UACA: variants seen among roughly 807,000 people sequenced by gnomAD.
The protein encoded by UACA is nuclear membrane binding protein.
UACA carries 112 observed loss-of-function variants against 160.5 expected under a neutral mutation model. The ratio of observed to expected loss-of-function variants is 0.70; its 90% CI spans 0.60 to 0.82. UACA has a LOEUF of 0.82. UACA is among the 40% of genes least tolerant of loss of function. UACA has a pLI of 0.00. For missense variants in UACA, 1,574 were observed against 1,614.6 expected (o/e 0.97, Z 0.43); for synonymous variants, 557 against 568.4 (o/e 0.98, Z 0.29).
At chr15:70,777,857 T>G in the UACA span, among the ~76,000 whole-genome samples, 4 of 152,102 alleles carry the variant, frequency 2.6e-5, no homozygotes, top group African/African-American at 9.7e-5. Context: ...GGTGGAGAAA[T>G]TTTTCTAAGA....
At chr15:70,727,882 T>C (rs902289428) in intron 1 of UACA, among the ~76,000 whole-genome samples, 3 of 152,206 alleles carry the variant, frequency 2.0e-5, no homozygotes, top group African/African-American at 7.2e-5. Flanking sequence ...GCCTCTTCAC[T>C]GCCTATATTC....
chr15:70,703,030 C>A, intron 1 of UACA: 1 of 1,137,832 alleles, frequency 8.8e-7, no homozygotes, highest in South Asian at 1.5e-5. Context: ...GAGGCAAATA[C>A]ACATTAGACA....
chr15:70,671,828 A>C (rs1196893193), intron 14 of UACA, 137 bp downstream of exon 14: 1 of 539,026 alleles, frequency 1.9e-6, no homozygotes, highest in Non-Finnish European at 3.0e-6. Flanking sequence ...ACGTCTTCCT[A>C]GTTCCATGTG....
intron 1 of UACA, among the ~76,000 whole-genome samples, chr15:70,700,348 A>T (rs1004385081): frequency 1.4e-4 from 19 of 132,662 alleles, no homozygotes; most frequent in African/African-American, 5.7e-4. Context: ...CACATTCTAT[A>T]CAGAAAGCAA....
chr15:70,722,873 T>C (rs574071315), intron 1 of UACA, among the ~76,000 whole-genome samples: 2 of 152,202 alleles, frequency 1.3e-5, no homozygotes, highest in East Asian at 3.9e-4. Context: ...TTGAAAAAAA[T>C]TAAGGTGGCA....
intron 13 of UACA, among the ~76,000 whole-genome samples, chr15:70,672,571 T>C (rs1419777762): frequency 6.6e-6 from 1 of 152,226 alleles, no homozygotes; most frequent in Non-Finnish European, 1.5e-5. Flanking sequence ...TAGAGAACTC[T>C]AGCTACAGTG....
chr15:70,664,920 A>T (rs1896851358), intron 16 of UACA, 106 bp from the exon 17 acceptor site: 1 of 1,033,042 alleles, frequency 9.7e-7, no homozygotes, highest in Non-Finnish European at 1.4e-6. Context: ...TTATCTTTAT[A>T]CACCAGAAAA....
rs1473759839 is a variant in UACA at position 70,664,692 on chromosome 15, G to T, written c.4083C>A (p.His1361Gln). ...RQSQLIDTLQHQVKSLEQQLA... is the reference protein window; with the variant it reads ...RQSQLIDTLQQQVKSLEQQLA... Reference sequence around the variant, plus strand: ...GCTGTTGCTCCAGAGATTTCACTTGGTGCTGCAGAGTGTCAATCAGCTGGC... The same window carrying T: ...GCTGTTGCTCCAGAGATTTCACTTGTTGCTGCAGAGTGTCAATCAGCTGGC... The change falls in exon 17 of 19, where the codon CAC becomes CAA. Residue 1361 changes from histidine to glutamine, a missense_variant. His to Gln is a conservative substitution (Grantham distance 24). Transcript: ENST00000322954. 6.2e-7 allele frequency: 1 copy of T among 1,613,286 alleles called. No individual in the cohort carries two copies. The highest frequency in any genetic ancestry group is 1.1e-5 in the South Asian group (1 of 90,992).
chr15:70,702,649 G>C (rs1230428729), intron 1 of UACA, among the ~76,000 whole-genome samples: 2 of 152,154 alleles, frequency 1.3e-5, no homozygotes, highest in African/African-American at 4.8e-5. Context: ...CTGACAAACA[G>C]AATATAAAAT....
chr15:70,679,562 C>T, intron 10 of UACA, 46 bp downstream of exon 10: 1 of 1,311,594 alleles, frequency 7.6e-7, no homozygotes. Context: ...ACTACAAATA[C>T]TGGAATTGTT....
chr15:70,699,432 T>A, intron 2 of UACA, 95 bp downstream of exon 2: 1 of 1,405,632 alleles, frequency 7.1e-7, no homozygotes, highest in East Asian at 2.3e-5. Flanking sequence ...AATTTCTTAA[T>A]AAGTAAGTTG....
chr15:70,676,298 T>C, intron 13 of UACA, 195 bp downstream of exon 13: 1 of 482,212 alleles, frequency 2.1e-6, no homozygotes, highest in Non-Finnish European at 3.7e-6. Flanking sequence ...ATGATCTCAC[T>C]TAACCTTTAT....
At chr15:70,774,848 G>C in the UACA span, among the ~76,000 whole-genome samples, 2 of 152,036 alleles carry the variant, frequency 1.3e-5, no homozygotes, top group African/African-American at 4.8e-5. Flanking sequence ...CAGGCCAGGA[G>C]TTCTAGACCA....
intron 1 of UACA, among the ~76,000 whole-genome samples, chr15:70,750,588 C>T (rs1566999897): frequency 6.6e-6 from 1 of 152,152 alleles, no homozygotes; most frequent in Non-Finnish European, 1.5e-5. Flanking sequence ...TCACCCTGGC[C>T]AGGTGTGGTG....
intron 2 of UACA, among the ~76,000 whole-genome samples, chr15:70,696,041 G>A (rs1898115286): frequency 6.6e-6 from 1 of 152,090 alleles, no homozygotes; most frequent in Admixed American, 6.6e-5. Context: ...ATAGAACTGA[G>A]GCCTTAAGTA....
intron 1 of UACA, among the ~76,000 whole-genome samples, chr15:70,717,298 T>C (rs1190514394): frequency 1.3e-5 from 2 of 152,224 alleles, no homozygotes; most frequent in Admixed American, 1.3e-4. Context: ...ATGGAAACAC[T>C]AAACTAGGCA....
At chr15:70,773,575 T>C in the UACA span, among the ~76,000 whole-genome samples, 2 of 152,108 alleles carry the variant, frequency 1.3e-5, no homozygotes, top group Non-Finnish European at 2.9e-5. Flanking sequence ...AGTTAGGAGC[T>C]TGGACATGTC....
intron 15 of UACA, among the ~76,000 whole-genome samples, chr15:70,670,779 A>G (rs1267352509): frequency 6.6e-6 from 1 of 152,192 alleles, no homozygotes; most frequent in African/African-American, 2.4e-5. Context: ...ATGAACAGAA[A>G]CTTAGCATCA....
At chr15:70,774,474 A>C in the UACA span, among the ~76,000 whole-genome samples, 1 of 150,424 alleles carries the variant, frequency 6.6e-6, no homozygotes, top group Non-Finnish European at 1.5e-5. Flanking sequence ...TGAACCCAGG[A>C]GGCGGAGCTT....
Sources: allele counts gnomAD v4.1 joint callset (sites outside exome capture counted in the v4.1 genomes callset), GRCh38; gene constraint gnomAD v4.1.1; transcripts MANE v1.5; gene names NCBI Gene and HGNC (gene_info 2026-07-23, HGNC 2026-07-21).